NOSTRIN: variants seen among roughly 807,000 people sequenced by gnomAD.
The protein encoded by NOSTRIN is BM247 homolog.
Under a neutral mutation model 59.0 loss-of-function variants are expected in NOSTRIN, and 63 were observed. The observed-to-expected ratio is 1.07, with a 90% confidence interval of 0.87 to 1.32. The LOEUF is 1.32. NOSTRIN is among the 40% of genes most tolerant of loss of function. The pLI is 0.00. For synonymous variants in NOSTRIN, 200 were observed against 165.4 expected (o/e 1.21, Z -1.61); for missense variants, 512 against 473.1 (o/e 1.08, Z -0.76).
intron 7 of NOSTRIN, among the ~76,000 whole-genome samples, chr2:168,840,574 G>A (rs1688036138): frequency 6.6e-6 from 1 of 151,090 alleles, no homozygotes; most frequent in African/African-American, 2.4e-5. Flanking sequence ...TATGTCCTGT[G>A]TAGGTCATGC....
At chr2:168,844,875 GA>G (rs79074527) in intron 8 of NOSTRIN, among the ~76,000 whole-genome samples, 42 of 142,594 alleles carry the variant, frequency 2.9e-4, no homozygotes, top group East Asian at 4.1e-4. Context: ...GTCTCAAAAA[GA>G]AAAAAAAAAA....
chr2:168,852,380 C>T (rs1404722917), intron 10 of NOSTRIN, among the ~76,000 whole-genome samples: 1 of 152,132 alleles, frequency 6.6e-6, no homozygotes, highest in Non-Finnish European at 1.5e-5. Flanking sequence ...GCACGTTGCC[C>T]CTTTGCTATA....
intron 2 of NOSTRIN, among the ~76,000 whole-genome samples, chr2:168,817,049 A>G (rs946122933): frequency 6.6e-6 from 1 of 152,224 alleles, no homozygotes; most frequent in Non-Finnish European, 1.5e-5. Context: ...CAACCCATAG[A>G]CCAGCCACTG....
intron 13 of NOSTRIN, 119 bp from the exon 14 acceptor site, chr2:168,860,676 A>AG: frequency 1.4e-6 from 1 of 689,968 alleles, no homozygotes; most frequent in South Asian, 2.0e-5. Context: ...GTCTAAAAAA[A>AG]AAAAAGAAAA....
intron 7 of NOSTRIN, among the ~76,000 whole-genome samples, chr2:168,835,097 C>T (rs958126768): frequency 6.6e-6 from 1 of 151,140 alleles, no homozygotes; most frequent in African/African-American, 2.4e-5. Context: ...TTTCTTGAGA[C>T]AGAGTCTCAC....
At chr2:168,838,396 C>T (rs571372177) in intron 7 of NOSTRIN, among the ~76,000 whole-genome samples, 29 of 152,258 alleles carry the variant, frequency 1.9e-4, no homozygotes, top group African/African-American at 7.0e-4. Flanking sequence ...TGCGCCATCA[C>T]ATCTGGCTAA....
intron 2 of NOSTRIN, among the ~76,000 whole-genome samples, chr2:168,788,240 C>CA (rs5836201): frequency 0.017 from 2,173 of 126,848 alleles, 43 homozygotes; most frequent in East Asian, 0.077. Context: ...GATCCTACCT[C>CA]AAAAAAAAAA....
At chr2:168,846,173 G>T (rs776708503) in intron 8 of NOSTRIN, among the ~76,000 whole-genome samples, 7 of 152,078 alleles carry the variant, frequency 4.6e-5, no homozygotes, top group African/African-American at 1.7e-4. Context: ...GCCATATTTT[G>T]TGTATGTTTA....
chr2:168,839,779 G>A (rs1178720882), intron 7 of NOSTRIN, among the ~76,000 whole-genome samples: 1 of 150,906 alleles, frequency 6.6e-6, no homozygotes, highest in Non-Finnish European at 1.5e-5. Context: ...CCAGCTACTC[G>A]GGAGGCTGAG....
At chr2:168,813,953 A>G (rs1686277246) in intron 2 of NOSTRIN, among the ~76,000 whole-genome samples, 1 of 152,198 alleles carries the variant, frequency 6.6e-6, no homozygotes, top group African/African-American at 2.4e-5. Context: ...TGGTAAATGT[A>G]CATTTGCGGT....
chr2:168,864,704 C>T, intron 15 of NOSTRIN, 130 bp from the exon 16 acceptor site: 1 of 1,027,908 alleles, frequency 9.7e-7, no homozygotes, highest in Non-Finnish European at 1.4e-6. Context: ...TTGGCTTCAT[C>T]TGAATCAAGT....
In NOSTRIN at chr2:168,834,443, A is replaced by C. The variant is rs1189415469; in HGVS notation, c.504+118A>C. ...CCTTCTCTGTGGGATTCCTGCAGAG[A>C]TGTAGCTTGACAGAGCATAAAAGGG... On this transcript the variant is annotated intron_variant, in intron 7 of 15. Coordinates refer to ENST00000317647, the MANE Select transcript of NOSTRIN (RefSeq NM_001039724.4). 1.6e-5 allele frequency: 10 copies of C among 642,282 alleles called. No homozygotes were observed. In the East Asian group the frequency reaches 2.8e-4, roughly 18 times the overall value. The allele number at this position is 642,282 out of a possible 1,614,324, so 39.8% of individuals were successfully genotyped here.
intron 2 of NOSTRIN, among the ~76,000 whole-genome samples, chr2:168,790,095 CTT>C (rs2105495729): frequency 6.6e-6 from 1 of 152,342 alleles, no homozygotes; most frequent in African/African-American, 2.4e-5. Context: ...ACTTTAAGTG[CTT>C]TCTCCAAAGA....
At chr2:168,818,547 C>G (rs7591268) in intron 2 of NOSTRIN, among the ~76,000 whole-genome samples, 4,820 of 152,258 alleles carry the variant, frequency 0.032, 248 homozygotes, top group African/African-American at 0.11. Flanking sequence ...TTTACAAAAG[C>G]AGGATAGTCT....
At chr2:168,824,530 C>T (rs1643928108) in intron 2 of NOSTRIN, 104 bp from the exon 3 acceptor site, 8 of 670,520 alleles carry the variant, frequency 1.2e-5, no homozygotes, top group Non-Finnish European at 1.9e-5. Context: ...AACTCCTGGC[C>T]TCAAGTGATC....
intron 1 of NOSTRIN, among the ~76,000 whole-genome samples, chr2:168,806,424 A>G (rs1302693634): frequency 6.6e-6 from 1 of 152,130 alleles, no homozygotes; most frequent in African/African-American, 2.4e-5. Flanking sequence ...GCCTGTCTAA[A>G]CATTTCATGT....
At chr2:168,863,591 T>G (rs865927457) in intron 15 of NOSTRIN, 1 of 985,228 alleles carries the variant, frequency 1.0e-6, no homozygotes. Flanking sequence ...GTCTCCAAAT[T>G]GATGTTGTAT....
chr2:168,793,091 C>G (rs1032461411), intron 2 of NOSTRIN, among the ~76,000 whole-genome samples: 1 of 152,194 alleles, frequency 6.6e-6, no homozygotes, highest in Non-Finnish European at 1.5e-5. Flanking sequence ...ACTTGGGCTT[C>G]GTTCTAGATT....
chr2:168,834,141 A>T (rs1559122242), intron 6 of NOSTRIN, 86 bp from the exon 7 acceptor site: 1 of 729,426 alleles, frequency 1.4e-6, no homozygotes, highest in Non-Finnish European at 2.5e-6. Context: ...CTAGCACATG[A>T]ATGTGCTTTG....
Sources: gnomAD v4.1 joint callset for allele counts (sites outside exome capture counted in the v4.1 genomes callset) on GRCh38, gnomAD v4.1.1 for gene constraint, MANE v1.5 for transcripts, NCBI Gene and HGNC (gene_info 2026-07-23, HGNC 2026-07-21) for gene names.